The following SEMA3A variants were observed in gnomAD, a reference collection of about 807,000 sequenced individuals.
SEMA3A encodes the protein semaphorin-3A.
SEMA3A carries 29 observed loss-of-function variants against 97.9 expected under a neutral mutation model. The ratio of observed to expected loss-of-function variants is 0.30; its 90% CI spans 0.22 to 0.40. The LOEUF (loss-of-function observed/expected upper bound fraction) is 0.40, where lower values mean the gene tolerates loss of function less well. SEMA3A is among the 10% of genes least tolerant of loss of function. The pLI, the probability that SEMA3A is intolerant of heterozygous loss-of-function variation, is 1.00. For missense variants in SEMA3A, 763 were observed against 951.3 expected, an observed-to-expected ratio of 0.80 and a Z score of 2.60; for synonymous variants, 321 against 323.7, an observed-to-expected ratio of 0.99 and a Z score of 0.09.
chr7:84,406,618 A>G (rs1024261586), intron 1 of SEMA3A, among the ~76,000 whole-genome samples: 4 of 152,188 alleles, frequency 2.6e-5, no homozygotes, highest in African/African-American at 4.8e-5. Context: ...TTTTAGACCA[A>G]TATCCTTGAT....
At chr7:84,287,351 C>T (rs1287164606) in intron 3 of SEMA3A, among the ~76,000 whole-genome samples, 1 of 151,964 alleles carries the variant, frequency 6.6e-6, no homozygotes, top group African/African-American at 2.4e-5. Flanking sequence ...AAAAATTTTT[C>T]CTTACTCTTA....
At chr7:83,977,272 GAAATA>G in intron 14 of SEMA3A, 76 bp from the exon 15 acceptor site, 1 of 706,376 alleles carries the variant, frequency 1.4e-6, no homozygotes, top group East Asian at 3.0e-5. Context: ...AGAATGAAGA[GAAATA>G]AAATATATAT....
At chr7:84,254,966 A>C (rs1349787537) in intron 3 of SEMA3A, among the ~76,000 whole-genome samples, 2 of 152,110 alleles carry the variant, frequency 1.3e-5, no homozygotes, top group Non-Finnish European at 2.9e-5. Flanking sequence ...TTCATTTAAG[A>C]AGAATGTGAG....
At chr7:84,001,349 C>T (rs900168490) in intron 12 of SEMA3A, among the ~76,000 whole-genome samples, 6 of 150,486 alleles carry the variant, frequency 4.0e-5, no homozygotes, top group African/African-American at 1.5e-4. Context: ...ATTCCTCCAA[C>T]CCTATACAAA....
At chr7:84,294,289 C>T (rs1267339403) in intron 3 of SEMA3A, among the ~76,000 whole-genome samples, 1 of 151,982 alleles carries the variant, frequency 6.6e-6, no homozygotes, top group African/African-American at 2.4e-5. Context: ...CACTGATTGG[C>T]TTCCCCACTT....
intron 3 of SEMA3A, among the ~76,000 whole-genome samples, chr7:84,264,588 A>T (rs1799944218): frequency 6.6e-6 from 1 of 152,226 alleles, no homozygotes; most frequent in African/African-American, 2.4e-5. Flanking sequence ...TGCAGATCTG[A>T]AATGCTCATC....
intron 4 of SEMA3A, among the ~76,000 whole-genome samples, chr7:84,060,994 A>G (rs13222038): frequency 6.6e-6 from 1 of 152,230 alleles, no homozygotes; most frequent in African/African-American, 2.4e-5. Context: ...AAATTACACA[A>G]TCTTGTCAGT....
intron 12 of SEMA3A, among the ~76,000 whole-genome samples, chr7:83,986,667 T>C (rs34661737): frequency 6.6e-6 from 1 of 151,834 alleles, no homozygotes. Context: ...GGTGGAACGA[T>C]GGATCTTAAA....
chr7:84,063,130 A>C (rs1366668917), intron 4 of SEMA3A, among the ~76,000 whole-genome samples: 1 of 151,984 alleles, frequency 6.6e-6, no homozygotes, highest in Non-Finnish European at 1.5e-5. Flanking sequence ...TAAGCAACCT[A>C]ACTGTGAGGC....
At chr7:84,386,138 T>A (rs1157740085) in intron 1 of SEMA3A, among the ~76,000 whole-genome samples, 1 of 152,182 alleles carries the variant, frequency 6.6e-6, no homozygotes, top group Non-Finnish European at 1.5e-5. Context: ...ATACCAAACA[T>A]ATTGTGTTTA....
intron 1 of SEMA3A, among the ~76,000 whole-genome samples, chr7:84,188,082 C>A (rs182337615): frequency 2.0e-5 from 3 of 152,006 alleles, no homozygotes; most frequent in African/African-American, 4.8e-5. Flanking sequence ...TAGTTTCCCA[C>A]GCCACATTTC....
At chr7:84,179,755 C>A (rs1224777495) in intron 1 of SEMA3A, among the ~76,000 whole-genome samples, 1 of 151,794 alleles carries the variant, frequency 6.6e-6, no homozygotes, top group African/African-American at 2.4e-5. Context: ...TTTAAAAGAA[C>A]ATTTTCTAGA....
chr7:84,428,473 TA>T (rs1245898091), intron 1 of SEMA3A, among the ~76,000 whole-genome samples: 4 of 152,192 alleles, frequency 2.6e-5, no homozygotes, highest in Middle Eastern at 3.4e-3. Flanking sequence ...GTTTACCTCT[TA>T]AAAAACATTG....
At chr7:84,436,279 T>C (rs2116330003) in intron 1 of SEMA3A, among the ~76,000 whole-genome samples, 1 of 152,256 alleles carries the variant, frequency 6.6e-6, no homozygotes, top group South Asian at 2.1e-4. Flanking sequence ...TGGGAAAGAA[T>C]TTATGACTAA....
rs532631808 is a variant in SEMA3A, at chr7:84,056,810, T to C, written c.547+3655A>G. Reference sequence around the variant, plus strand: ...TGTCTACATGGTATAAAATTGAAAATGTAAAATTTATAAGGTACCAAATCT... The same window carrying C: ...TGTCTACATGGTATAAAATTGAAAACGTAAAATTTATAAGGTACCAAATCT... On this transcript the variant is annotated intron_variant, in intron 5 of 16. Transcript: ENST00000265362. Among the ~76,000 whole-genome samples the C allele has an allele frequency of 1.2e-3, 182 of 152,270 alleles. 1 individual carries two copies. Among genetic ancestry groups the C allele is most frequent in the Admixed American group, 3.3e-3 (51 of 15,290 alleles).
At chr7:84,359,294 T>C (rs138872025) in intron 2 of SEMA3A, among the ~76,000 whole-genome samples, 35,609 of 151,784 alleles carry the variant, frequency 0.23, 4,556 homozygotes, top group South Asian at 0.35. Context: ...ATAGCTCTTA[T>C]TATTTTGAGA....
chr7:84,084,957 T>C (rs6960973), intron 4 of SEMA3A, among the ~76,000 whole-genome samples: 61,466 of 151,668 alleles, frequency 0.41, 14,486 homozygotes, highest in Non-Finnish European at 0.51. Context: ...AGCTTTACAG[T>C]TGATTACTAA....
At chr7:84,158,778 C>T (rs959865258) in intron 1 of SEMA3A, among the ~76,000 whole-genome samples, 24 of 152,148 alleles carry the variant, frequency 1.6e-4, no homozygotes, top group African/African-American at 5.3e-4. Flanking sequence ...ATAATTCTTA[C>T]ATTGACACTT....
At chr7:84,467,388 G>T (rs536169847) in intron 1 of SEMA3A, among the ~76,000 whole-genome samples, 1 of 151,904 alleles carries the variant, frequency 6.6e-6, no homozygotes, top group Non-Finnish European at 1.5e-5. Context: ...TGGGTATGTT[G>T]GTGCACACCT....
Sources: allele counts gnomAD v4.1 joint callset (sites outside exome capture counted in the v4.1 genomes callset), GRCh38; gene constraint gnomAD v4.1.1; transcripts MANE v1.5; gene names NCBI Gene and HGNC (gene_info 2026-07-23, HGNC 2026-07-21).